PLXNC1: variants seen among roughly 807,000 people sequenced by gnomAD.
PLXNC1 encodes the protein plexin C1.
PLXNC1 carries 75 observed loss-of-function variants against 178.2 expected under a neutral mutation model. The ratio of observed to expected loss-of-function variants is 0.42; its 90% CI spans 0.35 to 0.51. The LOEUF is 0.51. Among genes scored for constraint, PLXNC1 ranks in the 20% least tolerant of loss-of-function variants. PLXNC1 has a pLI of 0.02. For missense variants in PLXNC1, 1,503 were observed against 1,984.4 expected (o/e 0.76, Z 4.61); for synonymous variants, 790 against 779.9 (o/e 1.01, Z -0.22).
intron 20 of PLXNC1, 99 bp from the exon 21 acceptor site, chr12:94,264,980 C>T: frequency 3.3e-6 from 4 of 1,217,070 alleles, no homozygotes; most frequent in South Asian, 1.5e-5. Flanking sequence ...TTAGAAAACC[C>T]TGTCTCCTGC....
chr12:94,227,675 A>G (rs1963984813), intron 9 of PLXNC1, among the ~76,000 whole-genome samples: 1 of 152,154 alleles, frequency 6.6e-6, no homozygotes, highest in Non-Finnish European at 1.5e-5. Flanking sequence ...ACGTCTAACC[A>G]GTAGTGAACA....
At position 94,149,801 on chromosome 12, in the gene PLXNC1, G is replaced by A; in HGVS notation, c.830G>A (p.Gly277Asp). Residue 277 changes from glycine to aspartate, a missense_variant, in exon 1 of 31, where the codon GGC becomes GAC. Around this residue, in one of 4 missense-constraint regions of PLXNC1, gnomAD observed 615 missense variants for 698.6 expected, o/e 0.88. Transcript: ENST00000258526. ...IAQSTEVLFQGQASLDCGHGH... is the reference protein window; with the variant it reads ...IAQSTEVLFQDQASLDCGHGH... ...CAGAGCACCGAGGTGCTGTTCCAGG[G>A]CCAGGCATCCCTCGACTGCGGCCAC... is the stretch of plus-strand genomic sequence containing the variant. 2 of 1,605,982 alleles carry A rather than the reference G, an allele frequency of 1.2e-6. No individual in the cohort carries two copies. Among genetic ancestry groups the A allele is most frequent in the Non-Finnish European group, 1.7e-6 (2 of 1,178,022 alleles).
chr12:94,283,180 G>A (rs1966576121), intron 23 of PLXNC1, among the ~76,000 whole-genome samples: 1 of 152,184 alleles, frequency 6.6e-6, no homozygotes, highest in Admixed American at 6.5e-5. Flanking sequence ...GACAAGTAGA[G>A]TCAACACCTT....
chr12:94,295,084 A>G (rs1216910084), intron 24 of PLXNC1, among the ~76,000 whole-genome samples: 1 of 152,234 alleles, frequency 6.6e-6, no homozygotes, highest in Non-Finnish European at 1.5e-5. Flanking sequence ...GCCCTGGGGC[A>G]GGAAATTCCT....
chr12:94,163,727 A>G (rs1429993121), intron 1 of PLXNC1, among the ~76,000 whole-genome samples: 2 of 152,124 alleles, frequency 1.3e-5, no homozygotes, highest in African/African-American at 4.8e-5. Context: ...CTGTGTCCCT[A>G]AGCACACTTT....
chr12:94,179,973 A>T lies in PLXNC1; in HGVS notation c.1204-1473A>T, dbSNP rs547343535. ...TCAAAGTAGTGCAGCTACTTAAAGG[A>T]TGGAGGCAGGATGCAAACTCAAGCT... is the stretch of plus-strand genomic sequence containing the variant. On this transcript the variant is annotated intron_variant, in intron 2 of 30. Transcript: ENST00000258526. Among the ~76,000 whole-genome samples the T allele has an allele frequency of 2.0e-5, 3 of 152,244 alleles. No individual in the cohort carries two copies. In the South Asian group the frequency reaches 6.2e-4, roughly 32 times the overall value.
intron 3 of PLXNC1, among the ~76,000 whole-genome samples, chr12:94,183,524 C>T (rs765711064): frequency 1.8e-4 from 28 of 152,228 alleles, no homozygotes; most frequent in Non-Finnish European, 3.1e-4. Context: ...TCAAAACTGC[C>T]GGTCAGAGTA....
chr12:94,262,620 C>T (rs893719898), intron 20 of PLXNC1: 1 of 985,348 alleles, frequency 1.0e-6, no homozygotes, highest in Non-Finnish European at 1.2e-6. Context: ...GATACTTTCA[C>T]TTTCAGTGGA....
In PLXNC1 at chr12:94,297,238, T is replaced by A. The variant is rs938667519; in HGVS notation, c.3966+18T>A. On this transcript the variant is annotated intron_variant, in intron 25 of 30. Transcript: ENST00000258526. Reference sequence around the variant, plus strand: ...GCCATTTGGTGAGTTCAGGCTTTCTTGTGCTCACCACTGAACTGCATGCCT... The same window carrying A: ...GCCATTTGGTGAGTTCAGGCTTTCTAGTGCTCACCACTGAACTGCATGCCT... 6.2e-7 allele frequency: 1 copy of A among 1,613,936 alleles called. No homozygotes were observed. Among genetic ancestry groups the A allele is most frequent in the African/African-American group, 1.3e-5 (1 of 74,924 alleles).
intron 1 of PLXNC1, among the ~76,000 whole-genome samples, chr12:94,155,968 A>G (rs1370551944): frequency 6.6e-6 from 1 of 152,218 alleles, no homozygotes; most frequent in Admixed American, 6.5e-5. Context: ...ATCTAGGAAT[A>G]AAAGCAATGC....
At position 94,254,681 on chromosome 12, in the gene PLXNC1, G is replaced by GTTTTGT. The variant is rs567314869; in HGVS notation, c.2882-89_2882-84dup. ...TAGCTCCTGCTCTCTGTCCCTATCT[G>GTTTTGT]TTTTGTTTTTGTTTTTGTTTTTAAG... is the stretch of plus-strand genomic sequence containing the variant. On this transcript the variant is annotated intron_variant, in intron 15 of 30. Transcript: ENST00000258526. The GTTTTGT allele has an allele frequency of 3.0e-3, 2,243 of 750,332 alleles. 6 individuals are homozygous for GTTTTGT. Among genetic ancestry groups the GTTTTGT allele is most frequent in the Non-Finnish European group, 4.3e-3 (1,907 of 440,304 alleles). The allele number at this position is 750,332 out of a possible 1,614,324, so 46.5% of individuals were successfully genotyped here.
intron 9 of PLXNC1, among the ~76,000 whole-genome samples, chr12:94,235,589 C>T (rs1227196250): frequency 6.6e-6 from 1 of 152,150 alleles, no homozygotes; most frequent in Non-Finnish European, 1.5e-5. Flanking sequence ...ACAGTGGACT[C>T]CTCTAGAGCA....
chr12:94,237,570 T>G (rs1159317654), intron 9 of PLXNC1, 94 bp from the exon 10 acceptor site: 2 of 1,021,506 alleles, frequency 2.0e-6, no homozygotes, highest in East Asian at 5.0e-5. Flanking sequence ...AATTTCCCAG[T>G]GATTTCTTCG....
chr12:94,162,767 T>C (rs1592721575), intron 1 of PLXNC1, among the ~76,000 whole-genome samples: 1 of 152,144 alleles, frequency 6.6e-6, no homozygotes, highest in South Asian at 2.1e-4. Context: ...TTGACCATGA[T>C]GGGTAGCAGG....
chr12:94,197,411 C>T (rs1592754981), intron 4 of PLXNC1, among the ~76,000 whole-genome samples: 1 of 149,110 alleles, frequency 6.7e-6, no homozygotes, highest in East Asian at 2.0e-4. Context: ...GAGTAGGTTC[C>T]TGATAAAATG....
chr12:94,150,449 G>C (rs1253215371), intron 1 of PLXNC1, among the ~76,000 whole-genome samples: 1 of 152,152 alleles, frequency 6.6e-6, no homozygotes, highest in African/African-American at 2.4e-5. Context: ...GACCCTCTTG[G>C]TCAACAGTTA....
Position 94,303,795 on chromosome 12 carries a change from C to T in PLXNC1, c.4426C>T (p.Pro1476Ser), listed in dbSNP as rs1565877431. 8 of 1,607,660 alleles carry T rather than the reference C, an allele frequency of 5.0e-6. No homozygotes were observed. Among genetic ancestry groups the T allele is most frequent in the Non-Finnish European group, 6.8e-6 (8 of 1,177,938 alleles). ...TNKLLYAKDI[P>S]TYKEEVKSYY... ...TAAGCTTCTCTATGCCAAGGATATC[C>T]CAACCTACAAAGAAGAAGTAAAATC... Residue 1476 changes from proline (P) to serine (S), a missense_variant, in exon 29 of 31, where the codon CCA becomes TCA. Pro to Ser is a moderately conservative substitution (Grantham distance 74, BLOSUM62 -1). This residue lies in a region of PLXNC1 where 639 missense variants were observed against 979.7 expected (regional missense o/e 0.65). Transcript: ENST00000258526.
rs956377714 is a variant in PLXNC1 at position 94,306,497 on chromosome 12, C to T, written c.*1212C>T. On this transcript the variant is annotated 3_prime_UTR_variant, in exon 31 of 31. Transcript: ENST00000258526. ...TTTTTTAATTCCTGAATTTTTGCTGCTCATGACCAGTTTTAATACCACTGT... is the reference window on the plus strand; with the variant it reads ...TTTTTTAATTCCTGAATTTTTGCTGTTCATGACCAGTTTTAATACCACTGT... 1 of 152,106 alleles carries T rather than the reference C, an allele frequency of 6.6e-6. No individual in the cohort carries two copies. The highest frequency in any genetic ancestry group is 6.6e-5 in the Admixed American group (1 of 15,246). 9.4% of individuals were successfully genotyped at this position (152,106 alleles called of 1,614,324 possible). A position where few individuals can be genotyped will look rare whatever the true frequency, so the allele number is the denominator to read the frequency against.
intron 1 of PLXNC1, among the ~76,000 whole-genome samples, chr12:94,156,196 G>A (rs1961160778): frequency 6.6e-6 from 1 of 152,190 alleles, no homozygotes; most frequent in African/African-American, 2.4e-5. Context: ...CATAGTAAAT[G>A]TTATGTCTGT....
Sources: gnomAD v4.1 joint callset for allele counts (sites outside exome capture counted in the v4.1 genomes callset) on GRCh38, gnomAD v4.1.1 for gene constraint, gnomAD v4.1.1 regional missense constraint, MANE v1.5 for transcripts, NCBI Gene and HGNC (gene_info 2026-07-23, HGNC 2026-07-21) for gene names.